Variants in TMIE observed in about 807,000 individuals in gnomAD.
The protein encoded by TMIE is transmembrane inner ear expressed protein.
Under a neutral mutation model 16.8 loss-of-function variants are expected in TMIE, and 14 were observed. The observed-to-expected ratio is 0.83, with a 90% confidence interval of 0.55 to 1.30. The LOEUF is 1.30. Ranked by LOEUF, TMIE falls within the 50% of genes most tolerant of loss-of-function variation. The pLI is 0.00. For missense variants in TMIE, 204 were observed against 205.9 expected, an observed-to-expected ratio of 0.99 and a Z score of 0.06; for synonymous variants, 75 against 87.2, an observed-to-expected ratio of 0.86 and a Z score of 0.78.
Position 46,705,826 on chromosome 3 carries a change from C to A in TMIE, c.130C>A (p.Leu44Met), listed in dbSNP as rs1700544773. The change falls in exon 2 of 4, where the codon CTG becomes ATG. Residue 44 changes from leucine (L) to methionine (M), a missense_variant. Coordinates refer to ENST00000643606, the MANE Select transcript of TMIE (RefSeq NM_147196.3). The part of the protein sequence containing the change: ...TAPPKPKPPP[L>M]TKETVVFWDM... ...CCCACCCAAGCCCAAGCCGCCTCCG[C>A]TGACCAAGGAGACAGTGGTGTTCTG... 1 of 1,614,034 alleles carries A rather than the reference C, an allele frequency of 6.2e-7. No individual in the cohort carries two copies.
At chr3:46,700,661 C>T (rs1489433781), upstream of TMIE, among the ~76,000 whole-genome samples, 1 of 152,224 alleles carries the variant, frequency 6.6e-6, no homozygotes, top group African/African-American at 2.4e-5. Context: ...CTCTGTCCCT[C>T]AGTTGTCAAG....
Position 46,703,807 on chromosome 3 carries a change from A to T in TMIE, c.94-1983A>T, listed in dbSNP as rs777304371. Among the ~76,000 whole-genome samples the T allele has an allele frequency of 1.6e-4, 25 of 152,264 alleles. 1 individual carries two copies. Among genetic ancestry groups the T allele is most frequent in the Non-Finnish European group, 5.9e-5 (4 of 67,998 alleles). On this transcript the variant is annotated intron_variant, in intron 1 of 3. Coordinates refer to ENST00000643606, the MANE Select transcript of TMIE (RefSeq NM_147196.3). Reference sequence around the variant, plus strand: ...GCGCCTGGCTCATGACAGATGCCTAATCCATGTTTACGGACCTGGGGGAAG... The same window carrying T: ...GCGCCTGGCTCATGACAGATGCCTATTCCATGTTTACGGACCTGGGGGAAG...
upstream of TMIE, among the ~76,000 whole-genome samples, chr3:46,694,132 G>A (rs1700338094): frequency 6.6e-6 from 1 of 152,188 alleles, no homozygotes; most frequent in African/African-American, 2.4e-5. Context: ...GGAGCGCTGT[G>A]TGGGTTCGTG....
chr3:46,697,352 G>T (rs1312292244), upstream of TMIE, among the ~76,000 whole-genome samples: 1 of 152,172 alleles, frequency 6.6e-6, no homozygotes, highest in East Asian at 1.9e-4. Flanking sequence ...TCCCCAGAGA[G>T]GGTCCTGCCC....
intron 1 of TMIE, among the ~76,000 whole-genome samples, chr3:46,703,176 C>T (rs1344411842): frequency 6.6e-6 from 1 of 152,150 alleles, no homozygotes; most frequent in Non-Finnish European, 1.5e-5. Flanking sequence ...GTCACCATCA[C>T]CCTCCATCAG....
At chr3:46,704,264 C>T (rs898868987) in intron 1 of TMIE, among the ~76,000 whole-genome samples, 4 of 145,458 alleles carry the variant, frequency 2.7e-5, no homozygotes, top group African/African-American at 1.0e-4. Flanking sequence ...GGACCATGTC[C>T]CCTAGACACC....
chr3:46,704,638 ACCATGTCCCCTAGACACCCAGG>A (rs1340822737), intron 1 of TMIE, among the ~76,000 whole-genome samples: 9 of 144,494 alleles, frequency 6.2e-5, no homozygotes, highest in East Asian at 4.4e-4. Flanking sequence ...CCCAGGGTGG[ACCATGTCCCCTAGACACCCAGG>A]GCCAGGGTCA....
At chr3:46,703,537 CAT>C (rs1174607788) in intron 1 of TMIE, among the ~76,000 whole-genome samples, 1 of 152,210 alleles carries the variant, frequency 6.6e-6, no homozygotes, top group Non-Finnish European at 1.5e-5. Context: ...GCCAACCACA[CAT>C]GTGCCCAACC....
At chr3:46,694,131 T>G (rs894685221), upstream of TMIE, among the ~76,000 whole-genome samples, 4 of 152,092 alleles carry the variant, frequency 2.6e-5, no homozygotes, top group Admixed American at 2.6e-4. Flanking sequence ...CGGAGCGCTG[T>G]GTGGGTTCGT....
chr3:46,709,583 TA>T lies in TMIE; in HGVS notation c.368del (p.Lys123ArgfsTer19). ...TCTCTTCCCCCTGCCCCACAGAGGA[TA>T]AGAAGAAGAAGAAGAAGAAGAAGAA... ...NELTEVPGED[K>X]KKKKKKKKDS... is the part of the protein sequence containing the mutation. On this transcript the variant is annotated frameshift_variant, in exon 4 of 4. Transcript: ENST00000643606. LOFTEE classifies it high-confidence loss of function. The T allele has an allele frequency of 1.3e-6, 2 of 1,551,578 alleles. No individual in the cohort carries two copies. The highest frequency in any genetic ancestry group is 1.8e-6 in the Non-Finnish European group (2 of 1,129,828).
upstream of TMIE, among the ~76,000 whole-genome samples, chr3:46,700,955 G>A (rs192324830): frequency 8.1e-4 from 123 of 152,010 alleles, 3 homozygotes; most frequent in East Asian, 0.02. Flanking sequence ...GACCAGAGCC[G>A]CCTCTGGGCA....
chr3:46,697,166 G>T (rs1271266002), upstream of TMIE, among the ~76,000 whole-genome samples: 3 of 152,054 alleles, frequency 2.0e-5, no homozygotes, highest in African/African-American at 7.3e-5. Flanking sequence ...TTTCATCCTC[G>T]GCTACTGGCT....
chr3:46,706,039 T>C, intron 2 of TMIE, 132 bp downstream of exon 2: 1 of 937,374 alleles, frequency 1.1e-6, no homozygotes, highest in Non-Finnish European at 1.7e-6. Flanking sequence ...CCCGCGGTGG[T>C]TTCTGGCACC....
At chr3:46,709,307 C>T in intron 3 of TMIE, 32 bp downstream of exon 3, 1 of 1,613,672 alleles carries the variant, frequency 6.2e-7, no homozygotes, top group South Asian at 1.1e-5. Context: ...CCCTGCTGCG[C>T]CAGCCAGTTC....
At chr3:46,697,863 G>A (rs1057146612), upstream of TMIE, among the ~76,000 whole-genome samples, 5 of 152,112 alleles carry the variant, frequency 3.3e-5, no homozygotes, top group Admixed American at 3.3e-4. Flanking sequence ...GAAGACTTCT[G>A]TGTGGATGAT....
At chr3:46,695,401 A>T in intron 1 of TMIE, among the ~76,000 whole-genome samples, 1 of 152,072 alleles carries the variant, frequency 6.6e-6, no homozygotes, top group East Asian at 1.9e-4. Flanking sequence ...CTGGTGAAAT[A>T]TCTTACCTGC....
chr3:46,695,390 G>A (rs1336835566), intron 1 of TMIE, among the ~76,000 whole-genome samples: 1 of 152,198 alleles, frequency 6.6e-6, no homozygotes, highest in Non-Finnish European at 1.5e-5. Context: ...TAGTGCCCCT[G>A]CTGGTGAAAT....
chr3:46,697,380 G>A (rs1700420449), upstream of TMIE, among the ~76,000 whole-genome samples: 1 of 152,190 alleles, frequency 6.6e-6, no homozygotes, highest in Admixed American at 6.5e-5. Context: ...TGGGAGGAAG[G>A]AATGCAGATG....
In TMIE at chr3:46,701,484, G is replaced by A. The variant is rs1325210160; in HGVS notation, c.-4G>A. ...GGCTCCGCAAGCGGCGCGGTGGCACGAAGATGGCGGGGTGGCCGGGCGCGG... is the reference window on the plus strand; with the variant it reads ...GGCTCCGCAAGCGGCGCGGTGGCACAAAGATGGCGGGGTGGCCGGGCGCGG... On this transcript the variant is annotated 5_prime_UTR_variant, in exon 1 of 4. Coordinates refer to ENST00000643606, the MANE Select transcript of TMIE (RefSeq NM_147196.3). The surrounding 1 kb of genome is among the most constrained non-coding windows in gnomAD (Gnocchi z 4.3). 4.4e-6 allele frequency: 6 copies of A among 1,357,586 alleles called. No individual in the cohort carries two copies. The African/African-American group carries it at 6.1e-5, about 14-fold the overall frequency. The allele number at this position is 1,357,586 out of a possible 1,614,324, so 84.1% of individuals were successfully genotyped here. A position where few individuals can be genotyped will look rare whatever the true frequency, so the allele number is the denominator to read the frequency against.
Sources: allele counts gnomAD v4.1 joint callset (sites outside exome capture counted in the v4.1 genomes callset), GRCh38; gene constraint gnomAD v4.1.1; non-coding constraint Gnocchi (gnomAD v3.1); transcripts MANE v1.5; gene names NCBI Gene and HGNC (gene_info 2026-07-23, HGNC 2026-07-21).